The following HPGDS variants were observed in gnomAD, a reference collection of about 807,000 sequenced individuals.
HPGDS encodes the protein hematopoietic prostaglandin D synthase, also known as GST class-sigma.
Under a neutral mutation model 23.1 loss-of-function variants are expected in HPGDS, and 26 were observed. The observed-to-expected ratio is 1.13, with a 90% CI of 0.83 to 1.56. HPGDS has a LOEUF of 1.56. Among genes scored for constraint, HPGDS ranks in the 40% most tolerant of loss-of-function variants. The probability of loss-of-function intolerance (pLI) is 0.00; values close to 1 mark genes in which losing one functional copy is unlikely to be tolerated. For missense variants in HPGDS, 268 were observed against 236.4 expected (o/e 1.13, Z -0.88); for synonymous variants, 95 against 77.9 (o/e 1.22, Z -1.16).
At chr4:94,314,833 C>T (rs1257162585) in intron 3 of HPGDS, among the ~76,000 whole-genome samples, 4 of 152,190 alleles carry the variant, frequency 2.6e-5, no homozygotes, top group Admixed American at 2.6e-4. Context: ...CAAGCCTCAG[C>T]AATGGTGGGC....
chr4:94,330,263 G>A (rs192669276), intron 2 of HPGDS, among the ~76,000 whole-genome samples: 1 of 152,314 alleles, frequency 6.6e-6, no homozygotes, highest in Admixed American at 6.5e-5. Context: ...GGATGGGAAA[G>A]TTGGACTAAA....
rs138691485 is a variant in HPGDS, at chr4:94,331,438, T to G, written c.133+3059A>C. Among the ~76,000 whole-genome samples the G allele has an allele frequency of 2.6e-3, 396 of 152,342 alleles. 4 individuals are homozygous for G. Among genetic ancestry groups the G allele is most frequent in the East Asian group, 9.1e-3 (47 of 5,190 alleles). On this transcript the variant is annotated intron_variant, in intron 2 of 5. Coordinates refer to ENST00000295256, the MANE Select transcript of HPGDS (RefSeq NM_014485.3). ...TGTTAGATTTTTCTCAAATATCTAT[T>G]GATTTTTGATTGCCATTTATGTCTT... is the stretch of plus-strand genomic sequence containing the variant.
chr4:94,299,646 T>C lies in HPGDS; in HGVS notation c.436-2A>G, dbSNP rs750306189. On this transcript the variant is annotated splice_acceptor_variant, in intron 5 of 5. Coordinates refer to ENST00000295256, the MANE Select transcript of HPGDS (RefSeq NM_014485.3). LOFTEE classifies it high-confidence loss of function. Reference sequence around the variant, plus strand: ...CCAGTAGAAGTCTGCCCAAGTTACCTAGTTTAAAGGAAACAAACTTTTCAT... The same window carrying C: ...CCAGTAGAAGTCTGCCCAAGTTACCCAGTTTAAAGGAAACAAACTTTTCAT... 2.5e-5 allele frequency: 41 copies of C among 1,612,860 alleles called. 1 individual carries two copies. The highest frequency in any genetic ancestry group is 3.3e-4 in the Middle Eastern group (2 of 6,076).
intron 1 of HPGDS, among the ~76,000 whole-genome samples, chr4:94,340,971 C>T (rs1421973925): frequency 1.3e-5 from 2 of 150,652 alleles, no homozygotes; most frequent in Non-Finnish European, 3.0e-5. Flanking sequence ...TCAGCCTCCC[C>T]AGTAGCTGGG....
intron 1 of HPGDS, among the ~76,000 whole-genome samples, chr4:94,339,444 T>C (rs1721089985): frequency 6.6e-6 from 1 of 152,178 alleles, no homozygotes; most frequent in African/African-American, 2.4e-5. Flanking sequence ...ATTCAGCAGA[T>C]AGATAAAAAG....
intron 1 of HPGDS, among the ~76,000 whole-genome samples, chr4:94,340,283 T>TTCTTTCTC (rs1721113583): frequency 1.5e-5 from 1 of 66,564 alleles, no homozygotes; most frequent in South Asian, 4.6e-4. Flanking sequence ...CTTTCTTTCT[T>TTCTTTCTC]TCTTTCTTTC....
chr4:94,325,174 G>A (rs534714290), intron 2 of HPGDS, among the ~76,000 whole-genome samples: 1 of 152,270 alleles, frequency 6.6e-6, no homozygotes, highest in African/African-American at 2.4e-5. Context: ...GGGACACCCA[G>A]CTGTATGAGG....
chr4:94,340,311 C>CTTTCTTTTTCTTTTCTTT lies in HPGDS; in HGVS notation c.-10+2483_-10+2484insAAAGAAAAGAAAAAGAAA. 5.5e-4 allele frequency among the ~76,000 whole-genome samples: 13 copies of CTTTCTTTTTCTTTTCTTT among 23,678 alleles called. 4 individuals are homozygous for CTTTCTTTTTCTTTTCTTT. The highest frequency in any genetic ancestry group is 0.062 in the Middle Eastern group (2 of 32). 15.5% of individuals were successfully genotyped at this position (23,678 alleles called of 152,430 possible). Reference sequence around the variant, plus strand: ...TTTCTTTCTTTCTTTCTTTCTTTCTCTTTTTTTTTTTTTTTTTTTTTTTTT... The same window carrying CTTTCTTTTTCTTTTCTTT: ...TTTCTTTCTTTCTTTCTTTCTTTCTCTTTCTTTTTCTTTTCTTTTTTTTTTTTTTTTTTTTTTTTTTTT... On this transcript the variant is annotated intron_variant, in intron 1 of 5. Transcript: ENST00000295256.
At chr4:94,302,027 T>G in intron 5 of HPGDS, 119 bp downstream of exon 5, 1 of 546,418 alleles carries the variant, frequency 1.8e-6, no homozygotes, top group Admixed American at 2.9e-5. Context: ...GTTTAACCTT[T>G]GTTCTTGCTG....
chr4:94,326,820 A>G (rs1756639046), intron 2 of HPGDS, among the ~76,000 whole-genome samples: 1 of 152,118 alleles, frequency 6.6e-6, no homozygotes, highest in South Asian at 2.1e-4. Context: ...TATCTGGTAT[A>G]GTAGTCGCTC....
chr4:94,339,947 A>G (rs1307743507), intron 1 of HPGDS, among the ~76,000 whole-genome samples: 1 of 152,104 alleles, frequency 6.6e-6, no homozygotes, highest in Non-Finnish European at 1.5e-5. Flanking sequence ...GCCATGTAAG[A>G]CATCCCTTCC....
chr4:94,334,416 G>T, intron 2 of HPGDS, 81 bp downstream of exon 2: 5 of 1,319,772 alleles, frequency 3.8e-6, no homozygotes, highest in South Asian at 1.6e-5. Flanking sequence ...CGAAAACCTT[G>T]ATTTTTTTTT....
chr4:94,338,184 G>C (rs1721061884), intron 1 of HPGDS, among the ~76,000 whole-genome samples: 1 of 152,200 alleles, frequency 6.6e-6, no homozygotes, highest in Non-Finnish European at 1.5e-5. Context: ...GGCACTTTGG[G>C]AGGCCGAGGC....
intron 2 of HPGDS, among the ~76,000 whole-genome samples, chr4:94,320,851 G>C (rs530167797): frequency 1.3e-5 from 2 of 152,330 alleles, no homozygotes; most frequent in East Asian, 3.9e-4. Flanking sequence ...CCTATGTCCT[G>C]AATGGTATTG....
At chr4:94,322,683 A>C (rs1756540327) in intron 2 of HPGDS, among the ~76,000 whole-genome samples, 1 of 152,054 alleles carries the variant, frequency 6.6e-6, no homozygotes, top group Non-Finnish European at 1.5e-5. Context: ...CTAGCAGTCT[A>C]TCAATTTTGT....
chr4:94,324,435 T>G (rs1756586324), intron 2 of HPGDS, among the ~76,000 whole-genome samples: 1 of 151,936 alleles, frequency 6.6e-6, no homozygotes, highest in Non-Finnish European at 1.5e-5. Flanking sequence ...AGTCGCATGT[T>G]TCTTGGAGAC....
intron 2 of HPGDS, among the ~76,000 whole-genome samples, chr4:94,321,757 C>T (rs1445497986): frequency 2.0e-5 from 3 of 152,024 alleles, no homozygotes; most frequent in South Asian, 2.1e-4. Flanking sequence ...ACCTTTATTT[C>T]TTTCTCTTGC....
At chr4:94,324,763 A>G (rs543292885) in intron 2 of HPGDS, among the ~76,000 whole-genome samples, 2 of 152,184 alleles carry the variant, frequency 1.3e-5, no homozygotes, top group African/African-American at 4.8e-5. Flanking sequence ...ACTTATGTCA[A>G]CTCGTCAAAG....
chr4:94,309,131 T>G (rs1024540083), intron 3 of HPGDS, among the ~76,000 whole-genome samples: 1 of 151,358 alleles, frequency 6.6e-6, no homozygotes, highest in African/African-American at 2.4e-5. Context: ...TTTTATTTTT[T>G]TAATTATACT....
Sources: gnomAD v4.1 joint callset for allele counts (sites outside exome capture counted in the v4.1 genomes callset) on GRCh38, gnomAD v4.1.1 for gene constraint, MANE v1.5 for transcripts, NCBI Gene and HGNC (gene_info 2026-07-23, HGNC 2026-07-21) for gene names.